Variants in AQR observed in about 807,000 individuals in gnomAD.
AQR encodes RNA helicase aquarius.
Under a neutral mutation model 180.5 loss-of-function variants are expected in AQR, and 61 were observed. The ratio of observed to expected loss-of-function variants is 0.34; its 90% CI spans 0.28 to 0.42. The LOEUF is 0.42. Among genes scored for constraint, AQR ranks in the 10% least tolerant of loss-of-function variants. The pLI is 1.00. For synonymous variants in AQR, 551 were observed against 588.8 expected, an observed-to-expected ratio of 0.94 and a Z score of 0.93; for missense variants, 1,281 against 1,798.3, an observed-to-expected ratio of 0.71 and a Z score of 5.20.
intron 27 of AQR, among the ~76,000 whole-genome samples, chr15:34,880,576 T>C (rs1023218797): frequency 2.6e-5 from 4 of 151,974 alleles, no homozygotes; most frequent in Admixed American, 1.3e-4. Flanking sequence ...GAAAAAAAAA[T>C]TGTGCATGAA....
chr15:34,862,820 T>C, intron 33 of AQR, 47 bp downstream of exon 33: 1 of 1,596,196 alleles, frequency 6.3e-7, no homozygotes, highest in East Asian at 2.2e-5. Flanking sequence ...AATCCCAATT[T>C]CCACTCTGAG....
intron 30 of AQR, among the ~76,000 whole-genome samples, chr15:34,872,263 C>T (rs1451179837): frequency 1.3e-5 from 2 of 152,238 alleles, no homozygotes; most frequent in Non-Finnish European, 2.9e-5. Flanking sequence ...CTTTCCCTCT[C>T]GACACTAATT....
intron 7 of AQR, 128 bp from the exon 8 acceptor site, chr15:34,941,127 TA>T: frequency 1.9e-6 from 1 of 539,464 alleles, no homozygotes; most frequent in Non-Finnish European, 3.2e-6. Flanking sequence ...AACCTGAAAA[TA>T]ACATGACAAA....
chr15:34,946,040 G>T (rs1290014352), intron 5 of AQR, among the ~76,000 whole-genome samples: 1 of 152,198 alleles, frequency 6.6e-6, no homozygotes, highest in Non-Finnish European at 1.5e-5. Flanking sequence ...GGAGGCCGAG[G>T]CGGGTGGATC....
intron 27 of AQR, among the ~76,000 whole-genome samples, chr15:34,881,407 A>G (rs948380991): frequency 5.3e-5 from 8 of 152,256 alleles, no homozygotes; most frequent in Admixed American, 1.3e-4. Flanking sequence ...ACTTTAATCA[A>G]CAAGTGAATT....
At chr15:34,960,417 GTATAC>G (rs1293229155) in intron 3 of AQR, among the ~76,000 whole-genome samples, 3 of 152,048 alleles carry the variant, frequency 2.0e-5, no homozygotes, top group Non-Finnish European at 4.4e-5. Context: ...CATTACATAT[GTATAC>G]TATATTATTG....
intron 20 of AQR, 81 bp downstream of exon 20, chr15:34,900,541 C>T (rs770796678): frequency 8.6e-6 from 13 of 1,514,898 alleles, no homozygotes; most frequent in African/African-American, 1.4e-5. Flanking sequence ...ACTCAAAACT[C>T]ACTTTAGCTA....
Position 34,870,911 on chromosome 15 carries a change from C to T in AQR, c.3609G>A (p.Glu1203=). The part of the protein sequence containing the change: ...PNPYFYQNLG[E]AEYVVALFMY... ...TAAAAAGTGCTACTACATATTCTGC[C>T]TCTCCAAGATTCTGTAATGCAAACA... The change falls in exon 31 of 35, where the codon GAG becomes GAA. Residue 1203 remains glutamate (E), a synonymous_variant. Transcript: ENST00000156471. The T allele has an allele frequency of 1.9e-6, 3 of 1,611,882 alleles. No individual in the cohort carries two copies. The highest frequency in any genetic ancestry group is 2.5e-6 in the Non-Finnish European group (3 of 1,178,820).
chr15:34,874,251 C>A, intron 29 of AQR: 1 of 358,350 alleles, frequency 2.8e-6, no homozygotes, highest in Non-Finnish European at 4.9e-6. Flanking sequence ...ATCTTTATCC[C>A]TTAAATTAAA....
chr15:34,895,188 ATATATATATATAT>A (rs1415941290), intron 22 of AQR, among the ~76,000 whole-genome samples: 13 of 11,300 alleles, frequency 1.2e-3, no homozygotes, highest in African/African-American at 2.6e-3. Flanking sequence ...AAAAAAAAAA[ATATATATATATAT>A]ATATATATAT....
At chr15:34,885,007 T>C (rs186521984) in intron 25 of AQR, among the ~76,000 whole-genome samples, 85 of 151,614 alleles carry the variant, frequency 5.6e-4, no homozygotes, top group African/African-American at 2.1e-3. Context: ...GAACTCTAAC[T>C]CCGACAGTTC....
Position 34,927,017 on chromosome 15 carries a change from T to A in AQR, c.1118+18A>T. ...CATGATACAAAAAAAGAATATATAG[T>A]TTTTCATGTTGTCTTACCTAAGAGG... is the stretch of plus-strand genomic sequence containing the variant. On this transcript the variant is annotated intron_variant, in intron 13 of 34. Coordinates refer to ENST00000156471, the MANE Select transcript of AQR (RefSeq NM_014691.3). 1 of 1,427,846 alleles carries A rather than the reference T, an allele frequency of 7.0e-7. No individual in the cohort carries two copies. 88.4% of individuals were successfully genotyped at this position (1,427,846 alleles called of 1,614,324 possible). A position where few individuals can be genotyped will look rare whatever the true frequency, so the allele number is the denominator to read the frequency against.
intron 6 of AQR, among the ~76,000 whole-genome samples, chr15:34,943,849 T>C (rs1834198824): frequency 6.6e-6 from 1 of 152,208 alleles, no homozygotes; most frequent in Non-Finnish European, 1.5e-5. Context: ...CAACTCAAAA[T>C]ACAACTCTCC....
At chr15:34,896,717 C>T (rs748608895) in intron 22 of AQR, among the ~76,000 whole-genome samples, 180 bp downstream of exon 22, 11 of 152,022 alleles carry the variant, frequency 7.2e-5, no homozygotes, top group Admixed American at 2.0e-4. Flanking sequence ...GGCATGGTGG[C>T]GGGTACCTGT....
At chr15:34,934,851 A>T (rs1384400821) in intron 9 of AQR, among the ~76,000 whole-genome samples, 1 of 152,184 alleles carries the variant, frequency 6.6e-6, no homozygotes, top group Non-Finnish European at 1.5e-5. Flanking sequence ...AAAATAAAAG[A>T]TCTAGCTTGG....
At chr15:34,934,076 G>A (rs756788979) in intron 10 of AQR, among the ~76,000 whole-genome samples, 4 of 151,910 alleles carry the variant, frequency 2.6e-5, no homozygotes, top group Non-Finnish European at 2.9e-5. Flanking sequence ...GCAGTGAGCC[G>A]AGACAGCGCC....
rs534443143 is a variant in AQR at position 34,881,521 on chromosome 15, G to C, written c.3165+981C>G. On this transcript the variant is annotated intron_variant, in intron 27 of 34. Coordinates refer to ENST00000156471, the MANE Select transcript of AQR (RefSeq NM_014691.3). ...TGTATTAAAATCTAAGTTCAGATCAGTATCACTAGCAAAGTCACAAAAAAT... is the reference window on the plus strand; with the variant it reads ...TGTATTAAAATCTAAGTTCAGATCACTATCACTAGCAAAGTCACAAAAAAT... Among the ~76,000 whole-genome samples the C allele has an allele frequency of 8.5e-5, 13 of 152,278 alleles. No individual in the cohort carries two copies. In the South Asian group the frequency reaches 2.1e-3, roughly 24 times the overall value.
intron 4 of AQR, among the ~76,000 whole-genome samples, chr15:34,949,323 A>C (rs1306968880): frequency 9.8e-6 from 1 of 102,124 alleles, no homozygotes; most frequent in African/African-American, 2.7e-5. Context: ...TCTTAAAGTA[A>C]AAGTTGGCCA....
intron 27 of AQR, among the ~76,000 whole-genome samples, chr15:34,880,904 T>G (rs1248747613): frequency 6.6e-6 from 1 of 152,108 alleles, no homozygotes; most frequent in Non-Finnish European, 1.5e-5. Context: ...CCTTTTTTTG[T>G]TAAGTGGACC....
Sources: gnomAD v4.1 joint callset for allele counts (sites outside exome capture counted in the v4.1 genomes callset) on GRCh38, gnomAD v4.1.1 for gene constraint, MANE v1.5 for transcripts, NCBI Gene and HGNC (gene_info 2026-07-23, HGNC 2026-07-21) for gene names.